Variants in CHRM2 observed in about 807,000 individuals in gnomAD.
CHRM2 encodes the protein muscarinic acetylcholine receptor M2.
Under a neutral mutation model 25.0 loss-of-function variants are expected in CHRM2, and 8 were observed. The observed-to-expected ratio is 0.32, with a 90% CI of 0.19 to 0.58. CHRM2 has a LOEUF of 0.58. Among genes scored for constraint, CHRM2 ranks in the 20% least tolerant of loss-of-function variants. The probability of loss-of-function intolerance (pLI) is 0.88; values close to 1 mark genes in which losing one functional copy is unlikely to be tolerated. For missense variants in CHRM2, 440 were observed against 567.1 expected (o/e 0.78, Z 2.28); for synonymous variants, 202 against 205.7 (o/e 0.98, Z 0.15).
At chr7:136,885,447 A>G (rs1364633567) in intron 2 of CHRM2, among the ~76,000 whole-genome samples, 1 of 152,248 alleles carries the variant, frequency 6.6e-6, no homozygotes, top group East Asian at 1.9e-4. Context: ...CATTCATATC[A>G]GTAACATTTT....
At chr7:136,930,157 G>T (rs892588639) in intron 2 of CHRM2, among the ~76,000 whole-genome samples, 1 of 152,128 alleles carries the variant, frequency 6.6e-6, no homozygotes, top group Non-Finnish European at 1.5e-5. Context: ...AAGAGGCCGG[G>T]CATGGTGGCT....
intron 2 of CHRM2, chr7:136,871,308 G>A (rs573435270): frequency 5.2e-4 from 79 of 152,476 alleles, no homozygotes; most frequent in African/African-American, 1.8e-3. Context: ...TGCGGCTGCA[G>A]CGCTGCAGGC....
intron 2 of CHRM2, among the ~76,000 whole-genome samples, chr7:136,911,536 T>C (rs542451666): frequency 1.3e-5 from 2 of 151,898 alleles, no homozygotes; most frequent in African/African-American, 2.4e-5. Context: ...ACTAATGTAT[T>C]TGGAACCTTG....
intron 2 of CHRM2, among the ~76,000 whole-genome samples, chr7:136,968,168 C>T (rs1349687716): frequency 1.3e-5 from 2 of 151,908 alleles, no homozygotes; most frequent in African/African-American, 4.8e-5. Flanking sequence ...TTTTCTGCAA[C>T]AGATCTACAA....
intron 2 of CHRM2, among the ~76,000 whole-genome samples, chr7:136,988,125 G>A (rs1412008923): frequency 6.6e-6 from 1 of 151,114 alleles, no homozygotes; most frequent in Non-Finnish European, 1.5e-5. Flanking sequence ...ATAAAACAAT[G>A]TATCATTTTC....
At chr7:136,894,520 T>C (rs1457256618) in intron 2 of CHRM2, among the ~76,000 whole-genome samples, 1 of 152,002 alleles carries the variant, frequency 6.6e-6, no homozygotes, top group African/African-American at 2.4e-5. Context: ...TACAGACACA[T>C]GCCACCACGC....
chr7:136,988,954 A>G (rs1177001571), intron 2 of CHRM2, among the ~76,000 whole-genome samples: 1 of 152,096 alleles, frequency 6.6e-6, no homozygotes, highest in Non-Finnish European at 1.5e-5. Context: ...CGAATTTAAG[A>G]AAATATTTTA....
At chr7:136,994,701 G>A (rs370384974) in intron 3 of CHRM2, among the ~76,000 whole-genome samples, 2 of 150,516 alleles carry the variant, frequency 1.3e-5, no homozygotes, top group African/African-American at 2.4e-5. Flanking sequence ...TTGTCATAAC[G>A]ATGAGGTTAT....
At chr7:136,979,516 T>A (rs1802340480) in intron 2 of CHRM2, among the ~76,000 whole-genome samples, 3 of 152,236 alleles carry the variant, frequency 2.0e-5, no homozygotes. Flanking sequence ...ATGAAGCCTT[T>A]CCCCAGGCCT....
intron 2 of CHRM2, among the ~76,000 whole-genome samples, chr7:136,895,130 AT>A (rs1460996713): frequency 6.6e-6 from 1 of 152,166 alleles, no homozygotes; most frequent in African/African-American, 2.4e-5. Flanking sequence ...ATAATAAAAT[AT>A]TTTTAATGCT....
intron 2 of CHRM2, among the ~76,000 whole-genome samples, chr7:136,909,621 C>T (rs529166526): frequency 2.6e-5 from 4 of 151,982 alleles, no homozygotes; most frequent in Non-Finnish European, 5.9e-5. Flanking sequence ...CCCAAGAAGA[C>T]GTGCTGTATG....
At chr7:136,925,973 C>T (rs553439903) in intron 2 of CHRM2, among the ~76,000 whole-genome samples, 127 of 152,284 alleles carry the variant, frequency 8.3e-4, no homozygotes, top group Non-Finnish European at 1.4e-3. Flanking sequence ...CATGGTGGCT[C>T]ACACCATAAT....
chr7:137,003,323 C>T (rs1455045620), intron 3 of CHRM2, among the ~76,000 whole-genome samples: 1 of 152,126 alleles, frequency 6.6e-6, no homozygotes, highest in Non-Finnish European at 1.5e-5. Flanking sequence ...TCTCCTTGTA[C>T]AGCATGTTGT....
intron 2 of CHRM2, among the ~76,000 whole-genome samples, chr7:136,900,381 G>A (rs1271269679): frequency 1.3e-5 from 2 of 152,036 alleles, no homozygotes; most frequent in African/African-American, 2.4e-5. Context: ...AAACCAGACT[G>A]ATTTTGCCCT....
At chr7:136,899,183 A>C (rs1360648219) in intron 2 of CHRM2, 2 of 152,102 alleles carry the variant, frequency 1.3e-5, no homozygotes, top group African/African-American at 2.4e-5. Context: ...CTTGCTCTAA[A>C]ATAAAATGAA....
chr7:136,976,855 C>A (rs980099560), intron 2 of CHRM2, among the ~76,000 whole-genome samples: 3 of 152,166 alleles, frequency 2.0e-5, no homozygotes, highest in African/African-American at 7.2e-5. Context: ...GGAACAATGT[C>A]CCCGGTGCTC....
intron 2 of CHRM2, among the ~76,000 whole-genome samples, chr7:136,881,221 AC>A (rs1381244025): frequency 6.6e-6 from 1 of 150,972 alleles, no homozygotes; most frequent in Non-Finnish European, 1.5e-5. Context: ...TGGAAATCAT[AC>A]AGTATGTAGT....
At chr7:136,877,489 C>T (rs564535385) in intron 2 of CHRM2, among the ~76,000 whole-genome samples, 1 of 151,942 alleles carries the variant, frequency 6.6e-6, no homozygotes, top group Non-Finnish European at 1.5e-5. Context: ...TTCATGATTC[C>T]AGAGCTCCTC....
intron 2 of CHRM2, among the ~76,000 whole-genome samples, chr7:136,881,077 C>T (rs538756203): frequency 6.3e-4 from 94 of 149,672 alleles, no homozygotes; most frequent in African/African-American, 2.0e-3. Flanking sequence ...ATGCATGTAG[C>T]GTCATACGAA....
Sources: gnomAD v4.1 joint callset for allele counts (sites outside exome capture counted in the v4.1 genomes callset) on GRCh38, gnomAD v4.1.1 for gene constraint, MANE v1.5 for transcripts, NCBI Gene and HGNC (gene_info 2026-07-23, HGNC 2026-07-21) for gene names.